Variants in CALML4 observed in about 807,000 individuals in gnomAD.
The protein encoded by CALML4 is calmodulin-like protein 4.
In CALML4, 16 loss-of-function variants were observed where a neutral mutation model predicts 17.9. That is an observed-to-expected ratio of 0.89 (90% CI 0.61 to 1.36). The LOEUF is 1.36. Ranked by LOEUF, CALML4 falls within the 40% of genes most tolerant of loss-of-function variation. The pLI is 0.00. For missense variants in CALML4, 203 were observed against 194.8 expected, an observed-to-expected ratio of 1.04 and a Z score of -0.25; for synonymous variants, 86 against 71.5, an observed-to-expected ratio of 1.20 and a Z score of -1.02.
At chr15:68,199,914 T>C (rs563958428) in intron 2 of CALML4, 4 of 394,734 alleles carry the variant, frequency 1.0e-5, no homozygotes, top group Admixed American at 4.5e-5. Context: ...AAATTTTGCA[T>C]AGGACATATA....
At chr15:68,205,488 C>G, upstream of CALML4, 1 of 1,339,818 alleles carries the variant, frequency 7.5e-7, no homozygotes, top group East Asian at 2.4e-5. This position sits in a 1 kb window ranked among gnomAD's most constrained non-coding sequence, Gnocchi z 4.8. Flanking sequence ...AGAAGGCTCT[C>G]CCTGGGCTCA....
chr15:68,205,577 GTCTTC>G (rs2093180642), upstream of CALML4: 1 of 626,960 alleles, frequency 1.6e-6, no homozygotes, highest in Non-Finnish European at 2.7e-6. This position sits in a 1 kb window ranked among gnomAD's most constrained non-coding sequence, Gnocchi z 4.8. Context: ...CCAGGAAGGG[GTCTTC>G]TCTCTCTCTC....
At chr15:68,199,231 TACTC>T (rs1200834654) in intron 3 of CALML4, among the ~76,000 whole-genome samples, 1 of 151,780 alleles carries the variant, frequency 6.6e-6, no homozygotes, top group African/African-American at 2.4e-5. Context: ...ACATGACAAA[TACTC>T]AACAAAGGGA....
At chr15:68,202,358 C>A (rs2093167913) in intron 2 of CALML4, among the ~76,000 whole-genome samples, 1 of 152,238 alleles carries the variant, frequency 6.6e-6, no homozygotes, top group Non-Finnish European at 1.5e-5. Flanking sequence ...GTAATCCCAG[C>A]ACTTTGGGAG....
Position 68,205,116 on chromosome 15 carries a change from C to T in CALML4, c.34+5G>A, listed in dbSNP as rs1461964295. ...GTTGCTAATCAAAGAACAAACCCAA[C>T]CTACCATTAATTTGGTCTTGGGAAA... On this transcript the variant is annotated splice_donor_5th_base_variant and intron_variant, in intron 2 of 4. Transcript: ENST00000467889. The surrounding 1 kb of genome is among the most constrained non-coding windows in gnomAD (Gnocchi z 4.8). 4 of 1,614,046 alleles carry T rather than the reference C, an allele frequency of 2.5e-6. No homozygotes were observed. In the South Asian group the frequency reaches 3.3e-5, roughly 13 times the overall value.
chr15:68,202,643 C>CCTTTTT (rs1555437418), intron 2 of CALML4, among the ~76,000 whole-genome samples: 1 of 127,796 alleles, frequency 7.8e-6, no homozygotes, highest in African/African-American at 2.9e-5. Context: ...GTTTTGCCAA[C>CCTTTTT]TTTTTTTTTT....
chr15:68,193,228 C>A lies in CALML4; in HGVS notation c.*787G>T, dbSNP rs190376219. The A allele has an allele frequency of 7.3e-4, 111 of 152,470 alleles. No individual in the cohort carries two copies. Among genetic ancestry groups the A allele is most frequent in the African/African-American group, 2.6e-3 (107 of 41,564 alleles). The allele number at this position is 152,470 out of a possible 1,614,324, so 9.4% of individuals were successfully genotyped here. Reference sequence around the variant, plus strand: ...TCGGAATTCTCACAGCATTGGAAGCCCCCTTCTTGAGCTCTGCAAGGCCAG... The same window carrying A: ...TCGGAATTCTCACAGCATTGGAAGCACCCTTCTTGAGCTCTGCAAGGCCAG... On this transcript the variant is annotated 3_prime_UTR_variant, in exon 5 of 5. Coordinates refer to ENST00000467889, the MANE Select transcript of CALML4 (RefSeq NM_033429.3).
In CALML4 at chr15:68,194,185, C is replaced by A; in HGVS notation, c.365-73G>T. 5.2e-6 allele frequency: 6 copies of A among 1,147,038 alleles called. No individual in the cohort carries two copies. The South Asian group carries it at 7.7e-5, about 15-fold the overall frequency. The allele number at this position is 1,147,038 out of a possible 1,614,324, so 71.1% of individuals were successfully genotyped here. ...TATAAAACAGTGAGTTTTTTGGGGA[C>A]TGGAGCTCCCCTAAGGTCTTCCCTG... On this transcript the variant is annotated intron_variant, in intron 4 of 4. Transcript: ENST00000467889.
intron 2 of CALML4, among the ~76,000 whole-genome samples, chr15:68,201,385 C>T (rs2093165061): frequency 6.6e-6 from 1 of 152,244 alleles, no homozygotes; most frequent in Non-Finnish European, 1.5e-5. Context: ...ATGCCATCAC[C>T]TCACGTCAGG....
At chr15:68,196,257 TAA>T (rs773800134) in intron 4 of CALML4, among the ~76,000 whole-genome samples, 103 of 152,354 alleles carry the variant, frequency 6.8e-4, no homozygotes, top group Non-Finnish European at 1.2e-3. Context: ...CAGCAATTTT[TAA>T]ACTCTCTGCA....
chr15:68,194,103 A>T lies in CALML4; in HGVS notation c.374T>A (p.Leu125His). 3 of 1,612,244 alleles carry T rather than the reference A, an allele frequency of 1.9e-6. No homozygotes were observed. The highest frequency in any genetic ancestry group is 2.5e-6 in the Non-Finnish European group (3 of 1,178,430). ...EKLTHKEVDD[L>H]FREADIEPNG... ...GGGTTCGATATCTGCTTCCCTGAAG[A>T]GATCATCCACTGCAATAAATCACAT... The change falls in exon 5 of 5, where the codon CTC becomes CAC. Residue 125 changes from leucine (L) to histidine (H), a missense_variant. Physicochemically the swap from Leu to His is moderately conservative, Grantham distance 99. Transcript: ENST00000467889.
chr15:68,201,037 C>A (rs573670773), intron 2 of CALML4, among the ~76,000 whole-genome samples: 1 of 152,240 alleles, frequency 6.6e-6, no homozygotes, highest in East Asian at 1.9e-4. Flanking sequence ...AATCCCCAGC[C>A]CAGACCAGGG....
chr15:68,195,189 G>GGCTCTTTA (rs1207298115), intron 4 of CALML4, among the ~76,000 whole-genome samples: 1 of 152,106 alleles, frequency 6.6e-6, no homozygotes, highest in Admixed American at 6.5e-5. Context: ...AACCTACCAT[G>GGCTCTTTA]GCTCTTTAGC....
At chr15:68,198,967 G>A (rs1262606638) in intron 3 of CALML4, among the ~76,000 whole-genome samples, 1 of 152,128 alleles carries the variant, frequency 6.6e-6, no homozygotes, top group East Asian at 1.9e-4. Context: ...TTCAAGACCA[G>A]CCTGGCCAAC....
chr15:68,196,577 C>G (rs954549468), intron 4 of CALML4, among the ~76,000 whole-genome samples: 1 of 152,210 alleles, frequency 6.6e-6, no homozygotes, highest in Non-Finnish European at 1.5e-5. Context: ...ACCCCAGGCT[C>G]TAAGGTCGGG....
rs2093116067 is a variant in CALML4 at position 68,190,813 on chromosome 15, A to G, written c.*3202T>C. On this transcript the variant is annotated 3_prime_UTR_variant, in exon 5 of 5. Coordinates refer to ENST00000467889, the MANE Select transcript of CALML4 (RefSeq NM_033429.3). This position sits in a 1 kb window ranked among gnomAD's most constrained non-coding sequence, Gnocchi z 4.7. ...CCATACTTGGTTGACTATTTTGAGC[A>G]TTAAAATTGCTTTACTAATTATTTA... 6.6e-6 allele frequency: 1 copy of G among 152,138 alleles called. No individual in the cohort carries two copies. The highest frequency in any genetic ancestry group is 6.5e-5 in the Admixed American group (1 of 15,278). The allele number at this position is 152,138 out of a possible 1,614,324, so 9.4% of individuals were successfully genotyped here. A position where few individuals can be genotyped will look rare whatever the true frequency, so the allele number is the denominator to read the frequency against.
chr15:68,196,353 G>A (rs2093144564), intron 4 of CALML4, among the ~76,000 whole-genome samples: 1 of 152,212 alleles, frequency 6.6e-6, no homozygotes, highest in Non-Finnish European at 1.5e-5. Context: ...GTCACCTACT[G>A]TACCCTCATT....
Position 68,197,457 on chromosome 15 carries a change from T to C in CALML4, c.347A>G (p.Lys116Arg). The C allele has an allele frequency of 6.2e-7, 1 of 1,613,924 alleles. No individual in the cohort carries two copies. ...LRSKLTSLGE[K>R]LTHKEVDDLF... ...GCTGTTACCTTCCTTGTGGGTGAGC[T>C]TCTCCCCCAGACTCGTGAGTTTTGA... The change falls in exon 4 of 5, where the codon AAG (lysine) becomes AGG (arginine). Residue 116 changes from lysine (K) to arginine (R), a missense_variant. Lys to Arg is a conservative substitution (Grantham distance 26, BLOSUM62 2). Coordinates refer to ENST00000467889, the MANE Select transcript of CALML4 (RefSeq NM_033429.3). This position sits in a 1 kb window ranked among gnomAD's most constrained non-coding sequence, Gnocchi z 4.1.
chr15:68,196,545 A>C (rs1219228371), intron 4 of CALML4, among the ~76,000 whole-genome samples: 1 of 152,172 alleles, frequency 6.6e-6, no homozygotes, highest in Non-Finnish European at 1.5e-5. Flanking sequence ...AACCACAGGC[A>C]AGCAGGGCAG....
Sources: allele counts gnomAD v4.1 joint callset (sites outside exome capture counted in the v4.1 genomes callset), GRCh38; gene constraint gnomAD v4.1.1; non-coding constraint Gnocchi (gnomAD v3.1); transcripts MANE v1.5; gene names NCBI Gene and HGNC (gene_info 2026-07-23, HGNC 2026-07-21).